Variants in CCDC34 observed in about 807,000 individuals in gnomAD.
CCDC34 encodes the protein coiled-coil domain-containing protein 34.
Under a neutral mutation model 44.1 loss-of-function variants are expected in CCDC34, and 40 were observed. The ratio of observed to expected loss-of-function variants is 0.91; its 90% CI spans 0.70 to 1.18. The LOEUF is 1.18. Ranked by LOEUF, CCDC34 falls within the 50% of genes most tolerant of loss-of-function variation. The pLI is 0.00. For missense variants in CCDC34, 466 were observed against 452.3 expected (o/e 1.03, Z -0.28); for synonymous variants, 159 against 158.2 (o/e 1.01, Z -0.04).
At chr11:27,352,087 G>C (rs1862508906) in intron 2 of CCDC34, among the ~76,000 whole-genome samples, 1 of 152,100 alleles carries the variant, frequency 6.6e-6, no homozygotes, top group Non-Finnish European at 1.5e-5. Context: ...AGAAAAAGAA[G>C]GCCTGGGCCT....
intron 1 of CCDC34, among the ~76,000 whole-genome samples, chr11:27,359,114 C>T (rs1194789201): frequency 6.6e-6 from 1 of 152,162 alleles, no homozygotes; most frequent in Non-Finnish European, 1.5e-5. Flanking sequence ...AAATCATTAT[C>T]CACACCTCTT....
intron 3 of CCDC34, 57 bp downstream of exon 3, chr11:27,350,275 G>A (rs889803480): frequency 5.6e-6 from 9 of 1,611,342 alleles, no homozygotes; most frequent in African/African-American, 2.7e-5. Context: ...AAGTATAATA[G>A]GAAGAAATAT....
intron 3 of CCDC34, among the ~76,000 whole-genome samples, chr11:27,343,490 G>A (rs1862393222): frequency 2.0e-5 from 3 of 152,046 alleles, no homozygotes; most frequent in Non-Finnish European, 4.4e-5. Context: ...GCCAATAGCT[G>A]TGAAACAGAA....
intron 3 of CCDC34, among the ~76,000 whole-genome samples, chr11:27,342,969 G>A (rs947238298): frequency 6.6e-6 from 1 of 152,142 alleles, no homozygotes; most frequent in Non-Finnish European, 1.5e-5. Context: ...AAATAATTAT[G>A]AGCCAAGAAA....
At chr11:27,340,071 C>T (rs1004634939) in intron 5 of CCDC34, among the ~76,000 whole-genome samples, 1 of 151,982 alleles carries the variant, frequency 6.6e-6, no homozygotes, top group Non-Finnish European at 1.5e-5. Context: ...TGCCAACACT[C>T]ACTTCACCAA....
chr11:27,353,846 A>C (rs954861469), intron 2 of CCDC34, among the ~76,000 whole-genome samples: 2 of 152,212 alleles, frequency 1.3e-5, no homozygotes, highest in Non-Finnish European at 2.9e-5. Flanking sequence ...TATTGTGGGA[A>C]AAGCATTTAA....
At chr11:27,346,646 A>G (rs993465121) in intron 3 of CCDC34, among the ~76,000 whole-genome samples, 1 of 152,186 alleles carries the variant, frequency 6.6e-6, no homozygotes, top group African/African-American at 2.4e-5. Context: ...AAATGACTTA[A>G]CACAACACAA....
intron 3 of CCDC34, among the ~76,000 whole-genome samples, chr11:27,346,612 C>T (rs1862438999): frequency 6.6e-6 from 1 of 152,062 alleles, no homozygotes. Context: ...AATAATAAGC[C>T]ATACAACCCC....
chr11:27,355,555 A>C (rs1294800450), intron 2 of CCDC34, among the ~76,000 whole-genome samples: 4 of 152,326 alleles, frequency 2.6e-5, no homozygotes, highest in East Asian at 1.9e-4. Flanking sequence ...TACAAATAAA[A>C]ACAAAGCCAG....
At chr11:27,340,959 T>A in intron 4 of CCDC34, 122 bp from the exon 5 acceptor site, 1 of 765,754 alleles carries the variant, frequency 1.3e-6, no homozygotes, top group South Asian at 2.0e-5. Context: ...GCCATAATAC[T>A]GAATCATATT....
At chr11:27,350,152 A>G (rs1862486325) in intron 3 of CCDC34, 180 bp downstream of exon 3, 1 of 1,478,242 alleles carries the variant, frequency 6.8e-7, no homozygotes, top group South Asian at 1.5e-5. Context: ...GGAGAAAAGT[A>G]GAGGGCAAAG....
At chr11:27,339,130 A>G in intron 5 of CCDC34, 95 bp from the exon 6 acceptor site, 1 of 861,060 alleles carries the variant, frequency 1.2e-6, no homozygotes, top group Non-Finnish European at 1.8e-6. Context: ...AAAATGTCAA[A>G]TGGACAAATT....
chr11:27,357,673 G>C, intron 1 of CCDC34, 132 bp from the exon 2 acceptor site: 1 of 696,268 alleles, frequency 1.4e-6, no homozygotes, highest in South Asian at 3.2e-5. Flanking sequence ...AAATATACAG[G>C]AATTATACAT....
intron 1 of CCDC34, among the ~76,000 whole-genome samples, chr11:27,359,842 C>G (rs1246224426): frequency 6.6e-6 from 1 of 152,164 alleles, no homozygotes; most frequent in Non-Finnish European, 1.5e-5. Flanking sequence ...CCTACTGTCC[C>G]TTCAAAATTC....
At chr11:27,343,675 T>C (rs956975913) in intron 3 of CCDC34, among the ~76,000 whole-genome samples, 46 of 152,344 alleles carry the variant, frequency 3.0e-4, no homozygotes, top group Admixed American at 2.4e-3. Flanking sequence ...AGTTCTTACA[T>C]TGTTTTTAAT....
chr11:27,362,953 T>C lies in CCDC34; in HGVS notation c.242A>G (p.Asp81Gly), dbSNP rs1255800254. The C allele has an allele frequency of 4.3e-6, 7 of 1,614,128 alleles. No individual in the cohort carries two copies. The highest frequency in any genetic ancestry group is 5.9e-6 in the Non-Finnish European group (7 of 1,180,004). Residue 81 changes from aspartate to glycine, a missense_variant, in exon 1 of 6, where the codon GAC becomes GGC. Asp to Gly is a moderately conservative substitution (Grantham distance 94). Coordinates refer to ENST00000328697, the MANE Select transcript of CCDC34 (RefSeq NM_030771.2). Reference protein sequence around the residue: ...GHQSFQFDEDDGDGEDEEDVD... With the variant: ...GHQSFQFDEDGGDGEDEEDVD... ...GTCTTCCTCATCCTCCCCGTCACCGTCGTCCTCGTCAAACTGGAAGCTCTG... is the reference window on the plus strand; with the variant it reads ...GTCTTCCTCATCCTCCCCGTCACCGCCGTCCTCGTCAAACTGGAAGCTCTG...
At chr11:27,341,013 T>C (rs1336415582) in intron 4 of CCDC34, among the ~76,000 whole-genome samples, 176 bp from the exon 5 acceptor site, 2 of 152,152 alleles carry the variant, frequency 1.3e-5, no homozygotes, top group African/African-American at 4.8e-5. Flanking sequence ...TGGACATACA[T>C]TAAGGTGTCT....
chr11:27,347,415 G>A (rs1862449101), intron 3 of CCDC34, among the ~76,000 whole-genome samples: 2 of 152,262 alleles, frequency 1.3e-5, no homozygotes, highest in South Asian at 4.1e-4. Flanking sequence ...TTGTACATGA[G>A]TGGTCACAGA....
At chr11:27,362,731 G>C in intron 1 of CCDC34, 105 bp downstream of exon 1, 2 of 1,351,964 alleles carry the variant, frequency 1.5e-6, no homozygotes, top group South Asian at 2.9e-5. Flanking sequence ...GCAAGTGCCT[G>C]CTCTGCCTTT....
Sources: gnomAD v4.1 joint callset for allele counts (sites outside exome capture counted in the v4.1 genomes callset) on GRCh38, gnomAD v4.1.1 for gene constraint, MANE v1.5 for transcripts, NCBI Gene and HGNC (gene_info 2026-07-23, HGNC 2026-07-21) for gene names.